Variants in KCNH8 observed in about 807,000 individuals in gnomAD.
The protein encoded by KCNH8 is potassium voltage-gated channel subfamily H member 8.
KCNH8 carries 70 observed loss-of-function variants against 103.6 expected under a neutral mutation model. That is an observed-to-expected ratio of 0.68 (90% CI 0.56 to 0.82). The LOEUF is 0.82. KCNH8 is among the 40% of genes least tolerant of loss of function. The probability of loss-of-function intolerance (pLI) is 0.00; values close to 1 mark genes in which losing one functional copy is unlikely to be tolerated. For missense variants in KCNH8, 1,217 were observed against 1,329.9 expected, an observed-to-expected ratio of 0.92 and a Z score of 1.32; for synonymous variants, 498 against 489.4, an observed-to-expected ratio of 1.02 and a Z score of -0.23.
At chr3:19,408,925 G>A (rs890390702) in intron 7 of KCNH8, among the ~76,000 whole-genome samples, 22 of 152,130 alleles carry the variant, frequency 1.4e-4, no homozygotes, top group Admixed American at 1.1e-3. Flanking sequence ...GAGGAAAAGC[G>A]AATAACCTGG....
In KCNH8 at chr3:19,390,575, G is replaced by C; in HGVS notation, c.906G>C (p.Trp302Cys). 2 of 1,613,360 alleles carry C rather than the reference G, an allele frequency of 1.2e-6. No homozygotes were observed. Among genetic ancestry groups the C allele is most frequent in the Non-Finnish European group, 1.7e-6 (2 of 1,179,614 alleles). Residue 302 changes from tryptophan (W) to cysteine (C), a missense_variant, in exon 6 of 16, where the codon TGG becomes TGC. Physicochemically the swap from Trp to Cys is radical, Grantham distance 215. Around this residue, in one of 3 missense-constraint regions of KCNH8, gnomAD observed 415 missense variants for 577.4 expected, o/e 0.72. Transcript: ENST00000328405. ...TTTGCATCCACTATGTCACAACCTGGTTCATCATTGATTTAATCGCTGCCC... is the reference window on the plus strand; with the variant it reads ...TTTGCATCCACTATGTCACAACCTGCTTCATCATTGATTTAATCGCTGCCC... ...RSICIHYVTT[W>C]FIIDLIAALP...
intron 1 of KCNH8, among the ~76,000 whole-genome samples, chr3:19,224,559 CTTT>C (rs34526650): frequency 2.3e-5 from 3 of 129,454 alleles, no homozygotes; most frequent in Non-Finnish European, 1.6e-5. Context: ...TTGTTTTGAA[CTTT>C]TTTTTTTTTT....
chr3:19,309,332 C>T (rs2125296033), intron 3 of KCNH8, among the ~76,000 whole-genome samples: 1 of 151,980 alleles, frequency 6.6e-6, no homozygotes, highest in South Asian at 2.1e-4. Context: ...AGAAGAACTG[C>T]CTGAATATCA....
intron 3 of KCNH8, among the ~76,000 whole-genome samples, chr3:19,288,915 T>C (rs1019609769): frequency 1.4e-4 from 21 of 152,082 alleles, no homozygotes; most frequent in African/African-American, 4.1e-4. Context: ...TTTTAATGAT[T>C]GCCATTCTAA....
intron 11 of KCNH8, among the ~76,000 whole-genome samples, chr3:19,491,980 G>C (rs538496780): frequency 3.9e-5 from 6 of 151,962 alleles, no homozygotes; most frequent in Non-Finnish European, 7.4e-5. Context: ...TCTTTTGAGA[G>C]GAATCTGTTC....
At chr3:19,171,952 C>A (rs959133461) in intron 1 of KCNH8, among the ~76,000 whole-genome samples, 21 of 152,218 alleles carry the variant, frequency 1.4e-4, no homozygotes, top group Non-Finnish European at 2.9e-5. Context: ...CATTGTGTGA[C>A]AATGGGGTAA....
chr3:19,227,082 C>G (rs2063940790), intron 1 of KCNH8, among the ~76,000 whole-genome samples: 1 of 152,162 alleles, frequency 6.6e-6, no homozygotes, highest in South Asian at 2.1e-4. Context: ...TGTTTATACT[C>G]AGGCATAAAT....
chr3:19,171,027 C>T (rs2063343909), intron 1 of KCNH8, among the ~76,000 whole-genome samples: 1 of 151,728 alleles, frequency 6.6e-6, no homozygotes. Context: ...TCTGGATCTC[C>T]TGACCACGTG....
chr3:19,304,246 A>C (rs1361879999), intron 3 of KCNH8, among the ~76,000 whole-genome samples: 1 of 152,164 alleles, frequency 6.6e-6, no homozygotes, highest in Admixed American at 6.6e-5. Flanking sequence ...ACTCTATAGC[A>C]AAGAACAAAT....
chr3:19,439,118 A>G (rs1420471457), intron 8 of KCNH8, among the ~76,000 whole-genome samples: 1 of 152,166 alleles, frequency 6.6e-6, no homozygotes, highest in East Asian at 1.9e-4. Context: ...GCAAACATCT[A>G]TCCCCACTCC....
rs779247147 is a variant in KCNH8 at position 19,450,147 on chromosome 3, A to T, written c.1417A>T (p.Ile473Leu). Residue 473 changes from isoleucine to leucine, a missense_variant, in exon 9 of 16, where the codon ATA (isoleucine) becomes TTA (leucine). Physicochemically the swap from Ile to Leu is conservative, Grantham distance 5 (BLOSUM62 2). Around this residue, in one of 3 missense-constraint regions of KCNH8, gnomAD observed 415 missense variants for 577.4 expected, o/e 0.72. Transcript: ENST00000328405. The stretch of plus-strand genomic sequence containing the variant: ...GGTGTTTGGAAACGTGACAGCAATC[A>T]TACAGAGGATGTACTCCAGATGGTC... ...ALVFGNVTAI[I>L]QRMYSRWSLY... is the part of the protein sequence containing the mutation. 1.9e-6 allele frequency: 3 copies of T among 1,613,682 alleles called. No individual in the cohort carries two copies. Among genetic ancestry groups the T allele is most frequent in the Non-Finnish European group, 2.5e-6 (3 of 1,179,768 alleles).
At chr3:19,389,396 A>T (rs1293422853) in intron 5 of KCNH8, among the ~76,000 whole-genome samples, 1 of 152,128 alleles carries the variant, frequency 6.6e-6, no homozygotes, top group Non-Finnish European at 1.5e-5. Flanking sequence ...AACGCTCGAT[A>T]ATATATAACT....
At chr3:19,393,751 A>G (rs1375068124) in intron 6 of KCNH8, among the ~76,000 whole-genome samples, 2 of 152,176 alleles carry the variant, frequency 1.3e-5, no homozygotes, top group Non-Finnish European at 2.9e-5. Flanking sequence ...GGAGAATGAC[A>G]AAAAGAAATA....
intron 1 of KCNH8, among the ~76,000 whole-genome samples, chr3:19,157,527 A>G (rs530282647): frequency 1.3e-5 from 2 of 152,142 alleles, no homozygotes; most frequent in South Asian, 4.1e-4. Flanking sequence ...TACAGTACTC[A>G]TATTATATAT....
intron 1 of KCNH8, among the ~76,000 whole-genome samples, chr3:19,239,104 T>G (rs1199888721): frequency 2.6e-5 from 4 of 152,214 alleles, no homozygotes; most frequent in African/African-American, 9.6e-5. Context: ...AGGAATGCTT[T>G]CAGCCTAAAA....
At chr3:19,203,992 G>A (rs1408156873) in intron 1 of KCNH8, among the ~76,000 whole-genome samples, 2 of 151,920 alleles carry the variant, frequency 1.3e-5, no homozygotes, top group African/African-American at 4.8e-5. Context: ...TTTGAGAATA[G>A]GTATTGAATA....
chr3:19,502,673 G>C (rs1192756639), intron 11 of KCNH8, among the ~76,000 whole-genome samples: 2 of 151,302 alleles, frequency 1.3e-5, no homozygotes, highest in Non-Finnish European at 2.9e-5. Context: ...ACAAGCAATG[G>C]GGAAAGGATT....
At chr3:19,501,010 C>T (rs901296613) in intron 11 of KCNH8, among the ~76,000 whole-genome samples, 1 of 151,564 alleles carries the variant, frequency 6.6e-6, no homozygotes, top group African/African-American at 2.4e-5. Flanking sequence ...AAAGGATCAA[C>T]AAAATTGACA....
intron 11 of KCNH8, among the ~76,000 whole-genome samples, chr3:19,492,355 G>T (rs534616464): frequency 7.2e-5 from 11 of 152,208 alleles, no homozygotes; most frequent in Middle Eastern, 3.4e-3. Flanking sequence ...TTTTGTATGT[G>T]GTGACAGATA....
Sources: gnomAD v4.1 joint callset for allele counts (sites outside exome capture counted in the v4.1 genomes callset) on GRCh38, gnomAD v4.1.1 for gene constraint, gnomAD v4.1.1 regional missense constraint, MANE v1.5 for transcripts, NCBI Gene and HGNC (gene_info 2026-07-23, HGNC 2026-07-21) for gene names.